RANGAP1: variants seen among roughly 807,000 people sequenced by gnomAD.
RANGAP1 encodes ran GTPase-activating protein 1.
A neutral mutation model predicts 63.5 loss-of-function variants in RANGAP1; 38 were observed. That is an observed-to-expected ratio of 0.60 (90% CI 0.46 to 0.78). RANGAP1 has a LOEUF of 0.78. Among genes scored for constraint, RANGAP1 ranks in the 30% least tolerant of loss-of-function variants. RANGAP1 has a pLI of 0.00. For missense variants in RANGAP1, 630 were observed against 740.3 expected (o/e 0.85, Z 1.73); for synonymous variants, 329 against 310.5 (o/e 1.06, Z -0.63).
chr22:41,252,835 A>G, intron 12 of RANGAP1, 37 bp downstream of exon 12: 2 of 1,520,110 alleles, frequency 1.3e-6, no homozygotes, highest in Non-Finnish European at 1.8e-6. Context: ...CAGAAGCCAC[A>G]GCACGTACAG....
In RANGAP1 at chr22:41,252,855, C is replaced by A; in HGVS notation, c.1380+17G>T. 1.3e-6 allele frequency: 2 copies of A among 1,562,982 alleles called. No individual in the cohort carries two copies. Among genetic ancestry groups the A allele is most frequent in the South Asian group, 2.3e-5 (2 of 86,338 alleles). ...GCCACAGCACGTACAGCGTGGGGGT[C>A]GAGGGGTGGTTATTACCTGCTGGGC... On this transcript the variant is annotated intron_variant, in intron 12 of 15. Coordinates refer to ENST00000356244, the MANE Select transcript of RANGAP1 (RefSeq NM_002883.4).
In RANGAP1 at chr22:41,256,260, T is replaced by C; in HGVS notation, c.919A>G (p.Arg307Gly). ...TCAGCAACAGCCAGGGCAGCATCCC[T>C]CTTGATTTCACAGAATGACAAGTTC... ...ELNLSFCEIKRDAALAVAEAM... is the reference protein window; with the variant it reads ...ELNLSFCEIKGDAALAVAEAM... The change falls in exon 9 of 16, where the codon AGG (arginine) becomes GGG (glycine). Residue 307 changes from arginine (R) to glycine (G), a missense_variant. This residue lies in a region of RANGAP1 where 428 missense variants were observed against 465.5 expected (regional missense o/e 0.92). Coordinates refer to ENST00000356244, the MANE Select transcript of RANGAP1 (RefSeq NM_002883.4). 6.2e-7 allele frequency: 1 copy of C among 1,614,132 alleles called. No individual in the cohort carries two copies. Among genetic ancestry groups the C allele is most frequent in the South Asian group, 1.1e-5 (1 of 91,084 alleles).
At chr22:41,292,526 C>T in the RANGAP1 span, among the ~76,000 whole-genome samples, 91 of 151,920 alleles carry the variant, frequency 6.0e-4, no homozygotes, top group Non-Finnish European at 9.4e-4. Context: ...TTTGGGAGGC[C>T]GAGGTGGGTG....
At chr22:41,261,081 C>T (rs1200877591) in intron 6 of RANGAP1, among the ~76,000 whole-genome samples, 3 of 152,174 alleles carry the variant, frequency 2.0e-5, no homozygotes, top group Non-Finnish European at 2.9e-5. Context: ...TGTTCCTTCT[C>T]TGTGCCCCAC....
chr22:41,249,605 C>A (rs182697289), intron 14 of RANGAP1, 124 bp downstream of exon 14: 1 of 1,527,984 alleles, frequency 6.5e-7, no homozygotes, highest in Non-Finnish European at 8.9e-7. Context: ...ACCCAGGCCT[C>A]GGGGCCCCGT....
intron 11 of RANGAP1, among the ~76,000 whole-genome samples, 200 bp downstream of exon 11, chr22:41,254,108 C>CAA (rs369676930): frequency 1.9e-5 from 2 of 103,704 alleles, no homozygotes; most frequent in African/African-American, 3.6e-5. Flanking sequence ...GACTCCATCT[C>CAA]AAAAAAAAAA....
intron 2 of RANGAP1, among the ~76,000 whole-genome samples, chr22:41,278,858 G>A (rs1248198289): frequency 6.6e-6 from 1 of 152,128 alleles, no homozygotes; most frequent in Non-Finnish European, 1.5e-5. Flanking sequence ...AAAATAAGGG[G>A]CCGGGCACGG....
rs754622496 is a variant in RANGAP1 at position 41,264,748 on chromosome 22, G to A, written c.396C>T (p.Phe132=). ...AGGCTGAGCTCTTGAGCAGGGCCTC[G>A]AAGCCTTGCACACCGTCGGGCCCGA... The part of the protein sequence containing the change: ...NAFGPDGVQG[F]EALLKSSACF... The change falls in exon 5 of 16, where the codon TTC becomes TTT. Residue 132 remains phenylalanine, a synonymous_variant. Coordinates refer to ENST00000356244, the MANE Select transcript of RANGAP1 (RefSeq NM_002883.4). The A allele has an allele frequency of 3.7e-6, 6 of 1,614,090 alleles. No individual in the cohort carries two copies. The highest frequency in any genetic ancestry group is 5.1e-6 in the Non-Finnish European group (6 of 1,179,928).
At chr22:41,293,191 C>T in the RANGAP1 span, among the ~76,000 whole-genome samples, 6 of 149,710 alleles carry the variant, frequency 4.0e-5, no homozygotes, top group African/African-American at 1.5e-4. Context: ...GCCGAGATCG[C>T]GCCACTGCAC....
At chr22:41,298,011 C>A in the RANGAP1 span, among the ~76,000 whole-genome samples, 4 of 152,038 alleles carry the variant, frequency 2.6e-5, no homozygotes, top group East Asian at 5.8e-4. Context: ...GCGCCCGTGA[C>A]CACGCCTGGC....
chr22:41,260,504 C>T (rs1017031465), intron 6 of RANGAP1, among the ~76,000 whole-genome samples: 3 of 152,152 alleles, frequency 2.0e-5, no homozygotes, highest in Non-Finnish European at 4.4e-5. Flanking sequence ...CATTCCGGCC[C>T]GTATGAGCAA....
At chr22:41,295,108 C>CGGCCAGCCTCCCA in the RANGAP1 span, among the ~76,000 whole-genome samples, 1 of 150,128 alleles carries the variant, frequency 6.7e-6, no homozygotes. Flanking sequence ...CCAGCCTCCC[C>CGGCCAGCCTCCCA]GTCCGGGAGG....
At chr22:41,250,755 G>A (rs1258290830) in intron 13 of RANGAP1, among the ~76,000 whole-genome samples, 2 of 152,126 alleles carry the variant, frequency 1.3e-5, no homozygotes, top group East Asian at 1.9e-4. Context: ...TTCCTAGAGC[G>A]GGCTATGGGT....
At chr22:41,292,936 T>G in the RANGAP1 span, among the ~76,000 whole-genome samples, 1 of 151,710 alleles carries the variant, frequency 6.6e-6, no homozygotes, top group Admixed American at 6.6e-5. Context: ...AAACTCTGTC[T>G]CTACAAAAAA....
rs899096890 is a variant in RANGAP1 at position 41,245,481 on chromosome 22, C to A, written c.*1122G>T. 1.3e-5 allele frequency: 2 copies of A among 152,432 alleles called. No individual in the cohort carries two copies. Among genetic ancestry groups the A allele is most frequent in the Middle Eastern group, 6.8e-3 (2 of 296 alleles). 9.4% of individuals were successfully genotyped at this position (152,432 alleles called of 1,614,324 possible). ...CACTTCCCAGGTAGTGGCCTGAGGCCGAGGCCGGGCCCTTCTGCAGGGCTG... is the reference window on the plus strand; with the variant it reads ...CACTTCCCAGGTAGTGGCCTGAGGCAGAGGCCGGGCCCTTCTGCAGGGCTG... On this transcript the variant is annotated 3_prime_UTR_variant, in exon 16 of 16. Transcript: ENST00000356244.
At chr22:41,294,036 T>TTCTCCCTCTCCCTCTCCCCACGG in the RANGAP1 span, among the ~76,000 whole-genome samples, 1 of 151,042 alleles carries the variant, frequency 6.6e-6, no homozygotes, top group East Asian at 1.9e-4. Context: ...CTCCCTCTCC[T>TTCTCCCTCTCCCTCTCCCCACGG]TCTCCCTCTC....
At chr22:41,279,137 C>T (rs758054980) in intron 2 of RANGAP1, among the ~76,000 whole-genome samples, 52 of 150,976 alleles carry the variant, frequency 3.4e-4, no homozygotes, top group African/African-American at 1.2e-3. Flanking sequence ...AGCGAGACTC[C>T]GTCTCAAAAA....
intron 13 of RANGAP1, among the ~76,000 whole-genome samples, chr22:41,250,145 G>A (rs995626114): frequency 6.6e-6 from 1 of 152,258 alleles, no homozygotes; most frequent in Non-Finnish European, 1.5e-5. Context: ...TACCACTGGG[G>A]AGGATTCAGG....
At chr22:41,263,462 G>T (rs1192165883) in intron 5 of RANGAP1, among the ~76,000 whole-genome samples, 1 of 152,174 alleles carries the variant, frequency 6.6e-6, no homozygotes, top group Non-Finnish European at 1.5e-5. Flanking sequence ...TCGGCTCACT[G>T]CAACCTCCAC....
Sources: allele counts gnomAD v4.1 joint callset (sites outside exome capture counted in the v4.1 genomes callset), GRCh38; gene constraint gnomAD v4.1.1; regional missense constraint gnomAD v4.1.1; transcripts MANE v1.5; gene names NCBI Gene and HGNC (gene_info 2026-07-23, HGNC 2026-07-21).